CRACD: variants seen among roughly 807,000 people sequenced by gnomAD.
CRACD encodes the protein capping protein-inhibiting regulator of actin dynamics.
CRACD carries 56 observed loss-of-function variants against 106.8 expected under a neutral mutation model. The ratio of observed to expected loss-of-function variants is 0.52; its 90% CI spans 0.42 to 0.66. CRACD has a LOEUF of 0.66. Among genes scored for constraint, CRACD ranks in the 30% least tolerant of loss-of-function variants. The pLI is 0.00. For missense variants in CRACD, 1,730 were observed against 1,623.2 expected (o/e 1.07, Z -1.13); for synonymous variants, 754 against 670.8 (o/e 1.12, Z -1.92).
At chr4:56,151,299 G>A (rs2071251256) in intron 1 of CRACD, among the ~76,000 whole-genome samples, 2 of 151,978 alleles carry the variant, frequency 1.3e-5, no homozygotes, top group African/African-American at 4.8e-5. Context: ...CTCACCTGGC[G>A]GGTATGAGGG....
At chr4:56,177,331 G>GT (rs927194270) in intron 1 of CRACD, among the ~76,000 whole-genome samples, 27 of 152,126 alleles carry the variant, frequency 1.8e-4, no homozygotes, top group Non-Finnish European at 1.2e-4. Flanking sequence ...TCATCATATA[G>GT]TTTTTGTCTT....
intron 1 of CRACD, among the ~76,000 whole-genome samples, chr4:56,064,943 T>G (rs1321630988): frequency 6.6e-6 from 1 of 152,132 alleles, no homozygotes; most frequent in Non-Finnish European, 1.5e-5. Flanking sequence ...CCCTCGAAGA[T>G]GGCTAGTCAT....
intron 1 of CRACD, among the ~76,000 whole-genome samples, chr4:56,054,745 G>C (rs890299589): frequency 5.3e-5 from 8 of 152,164 alleles, no homozygotes; most frequent in African/African-American, 1.4e-4. Context: ...CAGCCTTATA[G>C]TCACATGTTA....
intron 2 of CRACD, among the ~76,000 whole-genome samples, chr4:56,227,135 C>T (rs1163440288): frequency 6.6e-6 from 1 of 152,116 alleles, no homozygotes; most frequent in Non-Finnish European, 1.5e-5. Flanking sequence ...AACAGGATTC[C>T]AGTAAAAGTG....
rs762269895 is a variant in CRACD, at chr4:56,315,542, G to C, written c.2040G>C (p.Glu680Asp). Reference sequence around the variant, plus strand: ...GGTCCAGAATCCTGAAGAACGCAGAGAGTGACCCGCGCAGCAGCGAGAGGG... The same window carrying C: ...GGTCCAGAATCCTGAAGAACGCAGACAGTGACCCGCGCAGCAGCGAGAGGG... ...SIRSRILKNA[E>D]SDPRSSERDQ... The change falls in exon 8 of 11, where the codon GAG (glutamate) becomes GAC (aspartate). Residue 680 changes from glutamate (E) to aspartate (D), a missense_variant. Coordinates refer to ENST00000682029, the MANE Select transcript of CRACD (RefSeq NM_001393381.1). The surrounding 1 kb of genome is among the most constrained non-coding windows in gnomAD (Gnocchi z 4.1). 6.2e-6 allele frequency: 10 copies of C among 1,613,956 alleles called. No individual in the cohort carries two copies. In the East Asian group the frequency reaches 2.2e-4, roughly 36 times the overall value.
intron 6 of CRACD, among the ~76,000 whole-genome samples, chr4:56,312,061 C>T (rs2049087): frequency 0.62 from 93,711 of 151,980 alleles, 30,949 homozygotes; most frequent in Non-Finnish European, 0.76. Context: ...GCACTTGTCC[C>T]GGTGGCAGAT....
Position 56,328,465 on chromosome 4 carries a change from A to G in CRACD, c.*661A>G, listed in dbSNP as rs1746613228. On this transcript the variant is annotated 3_prime_UTR_variant, in exon 11 of 11. Coordinates refer to ENST00000682029, the MANE Select transcript of CRACD (RefSeq NM_001393381.1). ...CATAGTGTGGGGCCCTGTTATTCCA[A>G]TACCCTCCTTAAGGACATGTGAAGC... is the stretch of plus-strand genomic sequence containing the variant. 2.0e-6 allele frequency: 1 copy of G among 510,226 alleles called. No homozygotes were observed. 31.6% of individuals were successfully genotyped at this position (510,226 alleles called of 1,614,324 possible). A position where few individuals can be genotyped will look rare whatever the true frequency, so the allele number is the denominator to read the frequency against.
At chr4:56,113,580 G>A (rs974802630) in intron 1 of CRACD, among the ~76,000 whole-genome samples, 10 of 152,102 alleles carry the variant, frequency 6.6e-5, no homozygotes, top group African/African-American at 2.4e-4. Flanking sequence ...AGGGAGCTAA[G>A]ACGATTGAGC....
intron 2 of CRACD, among the ~76,000 whole-genome samples, chr4:56,260,425 T>C (rs1332707391): frequency 6.6e-6 from 1 of 152,196 alleles, no homozygotes; most frequent in Non-Finnish European, 1.5e-5. Flanking sequence ...TATTAAAAAC[T>C]TGGAGATTAA....
At chr4:56,268,549 T>C (rs984686792) in intron 2 of CRACD, among the ~76,000 whole-genome samples, 1 of 152,074 alleles carries the variant, frequency 6.6e-6, no homozygotes, top group East Asian at 1.9e-4. Context: ...AAGGAAAAAA[T>C]AATTTTACCT....
chr4:56,111,363 A>G (rs909431290), intron 1 of CRACD, among the ~76,000 whole-genome samples: 4 of 114,478 alleles, frequency 3.5e-5, no homozygotes, highest in African/African-American at 1.8e-4. Context: ...GGAAGTAGGA[A>G]AAAGGGATGG....
intron 3 of CRACD, among the ~76,000 whole-genome samples, chr4:56,283,511 C>A (rs375509796): frequency 4.9e-4 from 75 of 152,248 alleles, no homozygotes; most frequent in African/African-American, 1.5e-3. Flanking sequence ...CAGATCTTCC[C>A]CTTCCCCTCC....
At chr4:56,265,205 G>T (rs1016587091) in intron 2 of CRACD, among the ~76,000 whole-genome samples, 4 of 152,154 alleles carry the variant, frequency 2.6e-5, no homozygotes, top group Admixed American at 1.3e-4. Flanking sequence ...TTTCTTCTCA[G>T]AAATATTCAG....
chr4:56,052,910 A>G (rs1469581807), intron 1 of CRACD, among the ~76,000 whole-genome samples: 1 of 152,186 alleles, frequency 6.6e-6, no homozygotes, highest in Non-Finnish European at 1.5e-5. Context: ...ATTGTGGTAC[A>G]TCTTTTGTAG....
rs573592071 is a variant in CRACD, at chr4:56,224,786, C to T, written c.-189+45356C>T. ...CATGTTTTTTCTTCAGTTGCTAGTT[C>T]TAGTTTACCACATAGTGTCTTTTGG... On this transcript the variant is annotated intron_variant, in intron 2 of 10. Transcript: ENST00000682029. Among the ~76,000 whole-genome samples, 3 of 152,196 alleles carry T rather than the reference C, an allele frequency of 2.0e-5. No individual in the cohort carries two copies. The South Asian group carries it at 6.2e-4, about 32-fold the overall frequency.
intron 1 of CRACD, among the ~76,000 whole-genome samples, chr4:56,067,927 AAAAT>A (rs60083948): frequency 0.35 from 53,615 of 151,858 alleles, 10,561 homozygotes; most frequent in African/African-American, 0.54. Context: ...CATTCATTCA[AAAAT>A]AAATATTTAT....
intron 1 of CRACD, among the ~76,000 whole-genome samples, chr4:56,051,091 G>A (rs980266233): frequency 6.6e-6 from 1 of 152,076 alleles, no homozygotes; most frequent in Non-Finnish European, 1.5e-5. Flanking sequence ...CCAATTAATT[G>A]GCATTAATTT....
At position 56,287,237 on chromosome 4, in the gene CRACD, G is replaced by A. The variant is rs1163848879; in HGVS notation, c.-16-10977G>A. Among the ~76,000 whole-genome samples, 5 of 151,900 alleles carry A rather than the reference G, an allele frequency of 3.3e-5. No individual in the cohort carries two copies. The South Asian group carries it at 6.2e-4, about 19-fold the overall frequency. ...ATTCCTGAGCTCAAGCAATCTGCCC[G>A]CTTCAGCCTCCTGAGTAGCAGGGAC... On this transcript the variant is annotated intron_variant, in intron 3 of 10. Coordinates refer to ENST00000682029, the MANE Select transcript of CRACD (RefSeq NM_001393381.1).
intron 2 of CRACD, among the ~76,000 whole-genome samples, chr4:56,208,898 A>G (rs73160412): frequency 0.021 from 3,264 of 152,226 alleles, 97 homozygotes; most frequent in African/African-American, 0.063. Flanking sequence ...CAAAAACATT[A>G]CTCTCTGATA....
Sources: allele counts gnomAD v4.1 joint callset (sites outside exome capture counted in the v4.1 genomes callset), GRCh38; gene constraint gnomAD v4.1.1; non-coding constraint Gnocchi (gnomAD v3.1); transcripts MANE v1.5; gene names NCBI Gene and HGNC (gene_info 2026-07-23, HGNC 2026-07-21).